LMOD1: variants seen among roughly 807,000 people sequenced by gnomAD.
LMOD1 encodes the protein leiomodin 1.
LMOD1 carries 8 observed loss-of-function variants against 36.5 expected under a neutral mutation model. That is an observed-to-expected ratio of 0.22 (90% confidence interval 0.13 to 0.40). The LOEUF is 0.40. LMOD1 is among the 10% of genes least tolerant of loss of function. The pLI is 1.00. For synonymous variants in LMOD1, 284 were observed against 288.7 expected, an observed-to-expected ratio of 0.98 and a Z score of 0.17; for missense variants, 630 against 751.1, an observed-to-expected ratio of 0.84 and a Z score of 1.88.
At chr1:201,927,397 C>T (rs1681844202) in intron 1 of LMOD1, among the ~76,000 whole-genome samples, 2 of 152,064 alleles carry the variant, frequency 1.3e-5, no homozygotes, top group African/African-American at 4.8e-5. Flanking sequence ...GTAACCCCAT[C>T]TCTACTAAAA....
intron 1 of LMOD1, among the ~76,000 whole-genome samples, chr1:201,918,413 T>A (rs536529188): frequency 6.6e-6 from 1 of 152,212 alleles, no homozygotes; most frequent in Non-Finnish European, 1.5e-5. Flanking sequence ...ATGGCTCCCA[T>A]GCTTTCAGGA....
intron 1 of LMOD1, among the ~76,000 whole-genome samples, chr1:201,910,311 T>G (rs1258790046): frequency 6.6e-6 from 1 of 151,582 alleles, no homozygotes; most frequent in Non-Finnish European, 1.5e-5. Context: ...TTTCACCCTG[T>G]TGCCTAGGTT....
chr1:201,938,929 A>G (rs1682066680), intron 1 of LMOD1, among the ~76,000 whole-genome samples: 1 of 152,044 alleles, frequency 6.6e-6, no homozygotes, highest in Non-Finnish European at 1.5e-5. Context: ...CCACCTCAAA[A>G]TCTTCTCCTA....
chr1:201,941,552 C>CATTG (rs1682116270), intron 1 of LMOD1, among the ~76,000 whole-genome samples: 3 of 152,214 alleles, frequency 2.0e-5, no homozygotes, highest in Non-Finnish European at 2.9e-5. Flanking sequence ...AAGCATTGAG[C>CATTG]CGTGCTGCTC....
At chr1:201,941,961 T>C (rs1208575570) in intron 1 of LMOD1, among the ~76,000 whole-genome samples, 1 of 152,164 alleles carries the variant, frequency 6.6e-6, no homozygotes, top group Non-Finnish European at 1.5e-5. Flanking sequence ...AGTTGACCGG[T>C]TGGGATCCGG....
rs771599594 is a variant in LMOD1, at chr1:201,901,530, GTATATATA to G, written c.262-787_262-780del. On this transcript the variant is annotated intron_variant, in intron 1 of 2. Transcript: ENST00000367288. The stretch of plus-strand genomic sequence containing the variant: ...AAAAAAAATATATATATATATATAT[GTATATATA>G]TATATATATATATACATATATATAT... Among the ~76,000 whole-genome samples, 10 of 50,052 alleles carry G rather than the reference GTATATATA, an allele frequency of 2.0e-4. 1 individual carries two copies. Among genetic ancestry groups the G allele is most frequent in the African/African-American group, 8.9e-4 (8 of 9,032 alleles). 32.8% of individuals were successfully genotyped at this position (50,052 alleles called of 152,430 possible). A position where few individuals can be genotyped will look rare whatever the true frequency, so the allele number is the denominator to read the frequency against.
chr1:201,931,693 G>A (rs1172918269), intron 1 of LMOD1, among the ~76,000 whole-genome samples: 1 of 152,058 alleles, frequency 6.6e-6, no homozygotes, highest in African/African-American at 2.4e-5. Flanking sequence ...CGAAATATGA[G>A]GCTAGATCAT....
intron 1 of LMOD1, among the ~76,000 whole-genome samples, chr1:201,932,991 G>A (rs1339963081): frequency 6.6e-6 from 1 of 152,126 alleles, no homozygotes; most frequent in East Asian, 1.9e-4. Flanking sequence ...AAAAATGTCC[G>A]AAAATGTTCA....
At chr1:201,913,892 A>T (rs1681554823) in intron 1 of LMOD1, among the ~76,000 whole-genome samples, 1 of 152,156 alleles carries the variant, frequency 6.6e-6, no homozygotes, top group African/African-American at 2.4e-5. Context: ...TGTATAATTT[A>T]TGTAGCTTGT....
At chr1:201,932,898 T>A (rs1681949465) in intron 1 of LMOD1, among the ~76,000 whole-genome samples, 2 of 152,170 alleles carry the variant, frequency 1.3e-5, no homozygotes, top group South Asian at 4.1e-4. Flanking sequence ...GAAGAAGAAA[T>A]TAAAGTTCAC....
intron 1 of LMOD1, among the ~76,000 whole-genome samples, chr1:201,941,496 C>T (rs1682114407): frequency 6.6e-6 from 1 of 152,200 alleles, no homozygotes; most frequent in South Asian, 2.1e-4. Context: ...TTCACCCTAG[C>T]CTCCAGGGCT....
At chr1:201,940,165 T>C (rs1682088200) in intron 1 of LMOD1, among the ~76,000 whole-genome samples, 1 of 151,794 alleles carries the variant, frequency 6.6e-6, no homozygotes, top group African/African-American at 2.4e-5. Flanking sequence ...CCTCTTGCAT[T>C]TTCCATCCAG....
At position 201,899,084 on chromosome 1, in the gene LMOD1, A is replaced by C. The variant is rs1436810591; in HGVS notation, c.1776+153T>G. 1 of 639,978 alleles carries C rather than the reference A, an allele frequency of 1.6e-6. No homozygotes were observed. Among genetic ancestry groups the C allele is most frequent in the African/African-American group, 1.8e-5 (1 of 54,766 alleles). The allele number at this position is 639,978 out of a possible 1,614,324, so 39.6% of individuals were successfully genotyped here. On this transcript the variant is annotated intron_variant, in intron 2 of 2. Coordinates refer to ENST00000367288, the MANE Select transcript of LMOD1 (RefSeq NM_012134.3). The surrounding 1 kb of genome is among the most constrained non-coding windows in gnomAD (Gnocchi z 6.3). ...GACCTGCCTGCAGGCAGGAGGATGC[A>C]TGAGATGACCTGAAGTCCCCTATGG... is the stretch of plus-strand genomic sequence containing the variant.
At position 201,898,266 on chromosome 1, in the gene LMOD1, A is replaced by G; in HGVS notation, c.*106T>C. On this transcript the variant is annotated 3_prime_UTR_variant, in exon 3 of 3. Coordinates refer to ENST00000367288, the MANE Select transcript of LMOD1 (RefSeq NM_012134.3). ...GACTCTCCCATGGCAGAATAGGGAC[A>G]TCCACAGCAGGTCAGCCAGGGATGG... is the stretch of plus-strand genomic sequence containing the variant. The G allele has an allele frequency of 8.6e-7, 1 of 1,156,152 alleles. No homozygotes were observed. The highest frequency in any genetic ancestry group is 1.3e-6 in the Non-Finnish European group (1 of 783,422). 71.6% of individuals were successfully genotyped at this position (1,156,152 alleles called of 1,614,324 possible).
chr1:201,933,529 C>T (rs12038875), intron 1 of LMOD1, among the ~76,000 whole-genome samples: 10 of 125,200 alleles, frequency 8.0e-5, no homozygotes, highest in African/African-American at 2.8e-4. Context: ...CTCTCTCTCT[C>T]TCTATATATA....
intron 1 of LMOD1, among the ~76,000 whole-genome samples, chr1:201,942,288 A>C (rs1470899644): frequency 6.6e-6 from 1 of 152,128 alleles, no homozygotes; most frequent in Non-Finnish European, 1.5e-5. Context: ...GCCCAAGAAA[A>C]CAGATGATTA....
At chr1:201,903,971 C>A (rs2102910928) in intron 1 of LMOD1, among the ~76,000 whole-genome samples, 1 of 152,318 alleles carries the variant, frequency 6.6e-6, no homozygotes, top group South Asian at 2.1e-4. Flanking sequence ...CTGACTGTCT[C>A]ACTAACAGCC....
chr1:201,906,358 C>T (rs541200386), intron 1 of LMOD1, among the ~76,000 whole-genome samples: 1 of 152,342 alleles, frequency 6.6e-6, no homozygotes, highest in South Asian at 2.1e-4. Flanking sequence ...CCCCACCCGC[C>T]TCCACCATGT....
chr1:201,927,480 C>G (rs771805436), intron 1 of LMOD1, among the ~76,000 whole-genome samples: 1 of 151,700 alleles, frequency 6.6e-6, no homozygotes, highest in Admixed American at 6.6e-5. Flanking sequence ...GCAGGAGAAT[C>G]GCTTGAACCC....
Sources: gnomAD v4.1 joint callset for allele counts (sites outside exome capture counted in the v4.1 genomes callset) on GRCh38, gnomAD v4.1.1 for gene constraint, Gnocchi (gnomAD v3.1) non-coding constraint, MANE v1.5 for transcripts, NCBI Gene and HGNC (gene_info 2026-07-23, HGNC 2026-07-21) for gene names.